Variants in PCBP2 observed in about 807,000 individuals in gnomAD.
The protein encoded by PCBP2 is poly(rC)-binding protein 2.
A neutral mutation model predicts 50.1 loss-of-function variants in PCBP2; 4 were observed. The observed-to-expected ratio is 0.08, with a 90% CI of 0.04 to 0.18. The LOEUF (loss-of-function observed/expected upper bound fraction) is 0.18, where lower values mean the gene tolerates loss of function less well. Ranked by LOEUF, PCBP2 falls within the 10% of genes least tolerant of loss-of-function variation. PCBP2 has a pLI of 1.00. For synonymous variants in PCBP2, 179 were observed against 168.0 expected (o/e 1.07, Z -0.51); for missense variants, 161 against 474.3 (o/e 0.34, Z 6.14).
chr12:53,454,669 G>A, intron 1 of PCBP2, 57 bp from the exon 2 acceptor site: 1 of 678,770 alleles, frequency 1.5e-6, no homozygotes, highest in East Asian at 2.6e-5. Context: ...AAAATAACTT[G>A]GGAAATAATA....
intron 7 of PCBP2, among the ~76,000 whole-genome samples, 187 bp from the exon 8 acceptor site, chr12:53,462,306 T>C (rs1941504680): frequency 6.6e-6 from 1 of 152,244 alleles, no homozygotes; most frequent in Non-Finnish European, 1.5e-5. Flanking sequence ...TCCTTGGACT[T>C]ACTGCATTAA....
intron 13 of PCBP2, among the ~76,000 whole-genome samples, chr12:53,470,223 C>G (rs966227610): frequency 6.6e-5 from 10 of 151,504 alleles, no homozygotes; most frequent in African/African-American, 2.4e-4. Flanking sequence ...ACTAAAAATA[C>G]AAAAATTAGC....
chr12:53,459,273 A>G lies in PCBP2; in HGVS notation c.245A>G (p.Asp82Gly). Residue 82 changes from aspartate to glycine, a missense_variant and splice_region_variant, in exon 6 of 15, where the codon GAC becomes GGC. Asp to Gly is a moderately conservative substitution (Grantham distance 94). Transcript: ENST00000546463. ...FAMIIDKLEE[D>G]ISSSMTNSTA... Reference sequence around the variant, plus strand: ...TTGTGGTGTTCTTTCTTTCTGTAGGACATAAGCAGCTCTATGACCAATAGC... The same window carrying G: ...TTGTGGTGTTCTTTCTTTCTGTAGGGCATAAGCAGCTCTATGACCAATAGC... 6.2e-7 allele frequency: 1 copy of G among 1,604,970 alleles called. No individual in the cohort carries two copies. Among genetic ancestry groups the G allele is most frequent in the Non-Finnish European group, 8.5e-7 (1 of 1,175,452 alleles).
At chr12:53,475,985 C>T (rs533165451) in intron 14 of PCBP2, 1 of 152,326 alleles carries the variant, frequency 6.6e-6, no homozygotes, top group East Asian at 1.9e-4. Context: ...ATTCAAAGAA[C>T]ATACTTCTTT....
chr12:53,469,930 G>A (rs1942092876), intron 13 of PCBP2, among the ~76,000 whole-genome samples: 1 of 151,704 alleles, frequency 6.6e-6, no homozygotes, highest in African/African-American at 2.4e-5. Flanking sequence ...TTTTTAATTA[G>A]AGATGGGGTT....
intron 14 of PCBP2, 45 bp from the exon 15 acceptor site, chr12:53,479,361 C>T: frequency 6.3e-7 from 1 of 1,576,244 alleles, no homozygotes; most frequent in Non-Finnish European, 8.7e-7. Context: ...TGAGGTGCAG[C>T]TGAGCACTGG....
At position 53,479,025 on chromosome 12, in the gene PCBP2, C is replaced by G. The variant is rs1942865772; in HGVS notation, c.1053-381C>G. ...TTTCTTTCCTAAACTGGTATTCTGT[C>G]AGCAGTTTGGGAGGAGCCAAAGTGA... is the stretch of plus-strand genomic sequence containing the variant. On this transcript the variant is annotated intron_variant, in intron 14 of 14. Transcript: ENST00000546463. Among the ~76,000 whole-genome samples the G allele has an allele frequency of 2.0e-5, 3 of 152,102 alleles. No homozygotes were observed. In the South Asian group the frequency reaches 6.2e-4, roughly 32 times the overall value.
At chr12:53,465,785 T>G in intron 9 of PCBP2, 147 bp from the exon 10 acceptor site, 3 of 658,718 alleles carry the variant, frequency 4.6e-6, no homozygotes, top group East Asian at 2.6e-5. Context: ...ACCATATTTG[T>G]GAGATTCCAT....
At chr12:53,460,823 C>G (rs1174156831) in intron 6 of PCBP2, 192 bp from the exon 7 acceptor site, 2 of 514,394 alleles carry the variant, frequency 3.9e-6, no homozygotes, top group Non-Finnish European at 6.7e-6. Flanking sequence ...CTTTCAGTGG[C>G]TAATTTATTT....
In PCBP2 at chr12:53,462,490, C is replaced by T; in HGVS notation, c.505-3C>T. The T allele has an allele frequency of 6.2e-7, 1 of 1,609,102 alleles. No individual in the cohort carries two copies. Among genetic ancestry groups the T allele is most frequent in the Non-Finnish European group, 8.5e-7 (1 of 1,176,532 alleles). On this transcript the variant is annotated splice_region_variant and splice_polypyrimidine_tract_variant and intron_variant, in intron 7 of 14. Transcript: ENST00000546463. ...GTTTTTTTCCCCTCTGACTCTCTCC[C>T]AGTCCCCCCCGAAGGGCGTGACCAT...
intron 14 of PCBP2, among the ~76,000 whole-genome samples, chr12:53,477,762 G>A (rs920745460): frequency 6.7e-6 from 1 of 149,400 alleles, no homozygotes; most frequent in Admixed American, 6.7e-5. Context: ...GTTTGTAGTC[G>A]AAGGACTTTG....
chr12:53,459,863 C>T (rs1036849507), intron 6 of PCBP2: 15 of 454,156 alleles, frequency 3.3e-5, no homozygotes, highest in Non-Finnish European at 5.8e-5. Flanking sequence ...CAGCCTCAGG[C>T]GATCCTCTCA....
At chr12:53,465,893 G>A (rs751215650) in intron 9 of PCBP2, 39 bp from the exon 10 acceptor site, 2 of 1,568,598 alleles carry the variant, frequency 1.3e-6, no homozygotes, top group Non-Finnish European at 8.8e-7. Flanking sequence ...GGCTGTCCGT[G>A]ATTGGTTTTT....
In PCBP2 at chr12:53,459,377, G is replaced by C; in HGVS notation, c.349G>C (p.Gly117Arg). Reference sequence around the variant, plus strand: ...GTGTGGCTCTCTCATTGGAAAAGGTGGATGCAAGATCAAGGAAATACGAGA... The same window carrying C: ...GTGTGGCTCTCTCATTGGAAAAGGTCGATGCAAGATCAAGGAAATACGAGA... ...SQCGSLIGKGGCKIKEIREST... is the reference protein window; with the variant it reads ...SQCGSLIGKGRCKIKEIREST... Residue 117 changes from glycine to arginine, a missense_variant, in exon 6 of 15, where the codon GGA becomes CGA. This residue lies in a region of PCBP2 where 13 missense variants were observed against 71.8 expected (regional missense o/e 0.18). Coordinates refer to ENST00000546463, the MANE Select transcript of PCBP2 (RefSeq NM_031989.5). 1 of 1,612,842 alleles carries C rather than the reference G, an allele frequency of 6.2e-7. No individual in the cohort carries two copies.
At chr12:53,467,683 T>C (rs936105061) in intron 11 of PCBP2, 122 bp from the exon 12 acceptor site, 3 of 829,574 alleles carry the variant, frequency 3.6e-6, no homozygotes, top group Non-Finnish European at 6.1e-6. Context: ...GTGTAGTGTT[T>C]TTTTTGTTTT....
intron 13 of PCBP2, among the ~76,000 whole-genome samples, chr12:53,470,608 G>T (rs1024037927): frequency 6.6e-6 from 1 of 151,648 alleles, no homozygotes; most frequent in Admixed American, 6.6e-5. Flanking sequence ...CAAGAGTTTC[G>T]CCATGAAACT....
intron 14 of PCBP2, among the ~76,000 whole-genome samples, chr12:53,478,691 C>T (rs1299243201): frequency 6.6e-6 from 1 of 151,752 alleles, no homozygotes; most frequent in Non-Finnish European, 1.5e-5. Flanking sequence ...GTAATCCCAG[C>T]TATCAGGTGG....
At chr12:53,455,781 G>T in intron 4 of PCBP2, 104 bp from the exon 5 acceptor site, 2 of 803,106 alleles carry the variant, frequency 2.5e-6, no homozygotes, top group South Asian at 3.1e-5. Flanking sequence ...ACTTTGCTTT[G>T]CATCAGGATC....
chr12:53,461,191 G>A (rs1295653137), intron 7 of PCBP2, 48 bp downstream of exon 7: 3 of 1,598,824 alleles, frequency 1.9e-6, no homozygotes, highest in East Asian at 2.2e-5. Flanking sequence ...CCATTCTGGG[G>A]ACAGAGGGAC....
Sources: gnomAD v4.1 joint callset for allele counts (sites outside exome capture counted in the v4.1 genomes callset) on GRCh38, gnomAD v4.1.1 for gene constraint, gnomAD v4.1.1 regional missense constraint, MANE v1.5 for transcripts, NCBI Gene and HGNC (gene_info 2026-07-23, HGNC 2026-07-21) for gene names.